Variants in COL4A4 observed in about 807,000 individuals in gnomAD.
COL4A4 encodes the protein collagen alpha-4(IV) chain.
A neutral mutation model predicts 192.9 loss-of-function variants in COL4A4; 105 were observed. The ratio of observed to expected loss-of-function variants is 0.54; its 90% confidence interval spans 0.46 to 0.64. The LOEUF is 0.64. Ranked by LOEUF, COL4A4 falls within the 30% of genes least tolerant of loss-of-function variation. The probability of loss-of-function intolerance (pLI) is 0.00; values close to 1 mark genes in which losing one functional copy is unlikely to be tolerated. For synonymous variants in COL4A4, 762 were observed against 769.9 expected (o/e 0.99, Z 0.17); for missense variants, 1,967 against 2,169.3 (o/e 0.91, Z 1.85).
chr2:227,060,186 T>C lies in COL4A4; in HGVS notation c.2114A>G (p.His705Arg), dbSNP rs751084682. The change falls in exon 27 of 48, where the codon CAT becomes CGT. Residue 705 changes from histidine (H) to arginine (R), a missense_variant. His to Arg is a conservative substitution (Grantham distance 29, BLOSUM62 0). Transcript: ENST00000396625. ...TCCTGGTGTGCCAGGTCTGCCTTTA[T>C]GCCCATCTGAACCACTCAGCCCAGG... The part of the protein sequence containing the change: ...GAPGLSGSDG[H>R]KGRPGTPGTA... 6.2e-7 allele frequency: 1 copy of C among 1,609,768 alleles called. No homozygotes were observed. Among genetic ancestry groups the C allele is most frequent in the Non-Finnish European group, 8.5e-7 (1 of 1,178,988 alleles).
intron 1 of COL4A4, among the ~76,000 whole-genome samples, chr2:227,154,797 C>T (rs2064209701): frequency 6.6e-6 from 1 of 152,198 alleles, no homozygotes; most frequent in African/African-American, 2.4e-5. Context: ...ATGTCTTATT[C>T]ACATCCATCT....
chr2:227,146,666 CT>C (rs1242398828), intron 2 of COL4A4, among the ~76,000 whole-genome samples: 1 of 152,162 alleles, frequency 6.6e-6, no homozygotes, highest in East Asian at 1.9e-4. Flanking sequence ...AGCTGTATTC[CT>C]TCTGGAGGTC....
rs371326070 is a variant in COL4A4, at chr2:227,140,162, C to T, written c.191G>A (p.Arg64Gln). 34 of 1,613,540 alleles carry T rather than the reference C, an allele frequency of 2.1e-5. No individual in the cohort carries two copies. The African/African-American group carries it at 2.3e-4, about 11-fold the overall frequency. ...CATGTTGGTCTTTACATCACTTACCCGAGACCCCTTTTCAGGAACACAGTG... is the reference window on the plus strand; with the variant it reads ...CATGTTGGTCTTTACATCACTTACCTGAGACCCCTTTTCAGGAACACAGTG... ...VCHCVPEKGS[R>Q]GPPGPPGPQG... is the part of the protein sequence containing the mutation. The change falls in exon 4 of 48, where the codon CGG becomes CAG. Residue 64 changes from arginine to glutamine, a missense_variant and splice_region_variant. Coordinates refer to ENST00000396625, the MANE Select transcript of COL4A4 (RefSeq NM_000092.5).
chr2:227,140,912 CACACACACA>C (rs2063163172), intron 3 of COL4A4, among the ~76,000 whole-genome samples: 2 of 151,674 alleles, frequency 1.3e-5, no homozygotes, highest in African/African-American at 4.8e-5. Flanking sequence ...CACACACACA[CACACACACA>C]CCCTTTAGGA....
intron 30 of COL4A4, among the ~76,000 whole-genome samples, 155 bp from the exon 31 acceptor site, chr2:227,054,892 C>T (rs1009806746): frequency 3.9e-5 from 6 of 152,208 alleles, no homozygotes; most frequent in Non-Finnish European, 8.8e-5. Flanking sequence ...CAAGTTCAAG[C>T]AATTCTCCTT....
rs892108516 is a variant in COL4A4, at chr2:227,004,903, A to G, written c.*2422T>C. The G allele has an allele frequency of 9.2e-5, 14 of 152,214 alleles. No homozygotes were observed. Among genetic ancestry groups the G allele is most frequent in the Non-Finnish European group, 2.1e-4 (14 of 68,060 alleles). 9.4% of individuals were successfully genotyped at this position (152,214 alleles called of 1,614,324 possible). Reference sequence around the variant, plus strand: ...GGTTTGATAAGGATCATCTCCAATAATGGGTTAGGAGAACAACTTAAAAGC... The same window carrying G: ...GGTTTGATAAGGATCATCTCCAATAGTGGGTTAGGAGAACAACTTAAAAGC... On this transcript the variant is annotated 3_prime_UTR_variant, in exon 48 of 48. Transcript: ENST00000396625.
intron 34 of COL4A4, among the ~76,000 whole-genome samples, 165 bp from the exon 35 acceptor site, chr2:227,047,714 A>G (rs559323496): frequency 9.5e-5 from 14 of 147,504 alleles, no homozygotes; most frequent in Middle Eastern, 3.4e-3. Flanking sequence ...ATATAGATGC[A>G]AGATGCAATT....
chr2:227,124,148 G>A (rs1044224792), intron 4 of COL4A4, among the ~76,000 whole-genome samples: 1 of 152,070 alleles, frequency 6.6e-6, no homozygotes, highest in Non-Finnish European at 1.5e-5. Flanking sequence ...AGAAACAAAA[G>A]AACAGACACT....
At chr2:227,092,658 A>C (rs2060001566) in intron 20 of COL4A4, among the ~76,000 whole-genome samples, 1 of 152,176 alleles carries the variant, frequency 6.6e-6, no homozygotes, top group Non-Finnish European at 1.5e-5. Flanking sequence ...GAAACAAGAC[A>C]ATTGACAAGA....
At chr2:227,150,431 C>T (rs1298876135) in intron 1 of COL4A4, among the ~76,000 whole-genome samples, 2 of 152,230 alleles carry the variant, frequency 1.3e-5, no homozygotes, top group Non-Finnish European at 2.9e-5. Context: ...GTCCCTTCTC[C>T]CTAGTGACAC....
At chr2:227,013,644 CA>C (rs1964283297) in intron 44 of COL4A4, among the ~76,000 whole-genome samples, 1 of 152,224 alleles carries the variant, frequency 6.6e-6, no homozygotes, top group African/African-American at 2.4e-5. Context: ...TGGACTTCTG[CA>C]TCCCGAACTG....
chr2:227,096,923 T>C (rs541492939), intron 19 of COL4A4, among the ~76,000 whole-genome samples: 53 of 152,332 alleles, frequency 3.5e-4, no homozygotes, highest in African/African-American at 1.2e-3. Context: ...AGATATTCTA[T>C]ACGTTGTATA....
intron 7 of COL4A4, among the ~76,000 whole-genome samples, chr2:227,115,269 C>CTTTTTTTT (rs1187419564): frequency 1.9e-4 from 24 of 123,946 alleles, no homozygotes; most frequent in African/African-American, 6.5e-4. Context: ...TACTTTAATT[C>CTTTTTTTT]TTTTTTTTTT....
the COL4A4 span, among the ~76,000 whole-genome samples, chr2:226,982,788 A>T: frequency 6.6e-6 from 1 of 152,182 alleles, no homozygotes; most frequent in Non-Finnish European, 1.5e-5. Context: ...TTTATGATGC[A>T]CCCACTATGT....
the COL4A4 span, among the ~76,000 whole-genome samples, chr2:226,984,844 A>G: frequency 2.0e-5 from 3 of 147,082 alleles, no homozygotes; most frequent in Non-Finnish European, 4.5e-5. Context: ...TGCACTCTGA[A>G]CCAGGCATCA....
intron 25 of COL4A4, 136 bp from the exon 26 acceptor site, chr2:227,062,734 T>A: frequency 1.4e-6 from 1 of 703,014 alleles, no homozygotes; most frequent in South Asian, 1.6e-5. Context: ...GACTCCCAAG[T>A]ATCATTAGAT....
At chr2:227,148,768 G>C (rs2063717073) in intron 1 of COL4A4, among the ~76,000 whole-genome samples, 1 of 151,482 alleles carries the variant, frequency 6.6e-6, no homozygotes, top group Non-Finnish European at 1.5e-5. Flanking sequence ...AAAAACTTTG[G>C]CTTCTTTAAA....
chr2:227,082,579 T>A (rs1309968651), intron 22 of COL4A4, among the ~76,000 whole-genome samples: 2 of 152,200 alleles, frequency 1.3e-5, no homozygotes, highest in African/African-American at 2.4e-5. Context: ...CTACCTCAAA[T>A]TAAAATTTAT....
At chr2:227,081,666 T>C (rs1198235974) in intron 23 of COL4A4, among the ~76,000 whole-genome samples, 2 of 152,230 alleles carry the variant, frequency 1.3e-5, no homozygotes, top group African/African-American at 4.8e-5. Context: ...ATATATCCTA[T>C]TAGTTCTGTC....
Sources: gnomAD v4.1 joint callset for allele counts (sites outside exome capture counted in the v4.1 genomes callset) on GRCh38, gnomAD v4.1.1 for gene constraint, MANE v1.5 for transcripts, NCBI Gene and HGNC (gene_info 2026-07-23, HGNC 2026-07-21) for gene names.